The following PGM2L1 variants were observed in gnomAD, a reference collection of about 807,000 sequenced individuals.
PGM2L1 encodes the protein glucose 1,6-bisphosphate synthase.
PGM2L1 carries 35 observed loss-of-function variants against 73.4 expected under a neutral mutation model. The observed-to-expected ratio is 0.48, with a 90% CI of 0.36 to 0.63. The LOEUF (loss-of-function observed/expected upper bound fraction) is 0.63, where lower values mean the gene tolerates loss of function less well. Ranked by LOEUF, PGM2L1 falls within the 30% of genes least tolerant of loss-of-function variation. The pLI, the probability that PGM2L1 is intolerant of heterozygous loss-of-function variation, is 0.00. For missense variants in PGM2L1, 570 were observed against 742.0 expected, an observed-to-expected ratio of 0.77 and a Z score of 2.69; for synonymous variants, 225 against 253.8, an observed-to-expected ratio of 0.89 and a Z score of 1.08.
intron 1 of PGM2L1, among the ~76,000 whole-genome samples, chr11:74,393,525 A>C (rs1214709733): frequency 6.6e-6 from 1 of 152,206 alleles, no homozygotes; most frequent in African/African-American, 2.4e-5. Context: ...TGGAAAAAAA[A>C]CTTCTACCAT....
intron 9 of PGM2L1, among the ~76,000 whole-genome samples, chr11:74,344,133 A>G (rs1467358418): frequency 6.6e-6 from 1 of 152,056 alleles, no homozygotes; most frequent in African/African-American, 2.4e-5. Context: ...TTGAAAGATA[A>G]GTCAATCTGC....
intron 1 of PGM2L1, among the ~76,000 whole-genome samples, chr11:74,381,571 C>CT (rs1195996518): frequency 0.02 from 1,943 of 95,330 alleles, 69 homozygotes; most frequent in African/African-American, 0.05. Flanking sequence ...GTGTTTTTGT[C>CT]TTTTTTTTTT....
Position 74,342,991 on chromosome 11 carries a change from A to G in PGM2L1, c.1336T>C (p.Leu446=), listed in dbSNP as rs1333057032. 1 of 1,606,110 alleles carries G rather than the reference A, an allele frequency of 6.2e-7. No homozygotes were observed. Among genetic ancestry groups the G allele is most frequent in the African/African-American group, 1.3e-5 (1 of 74,524 alleles). ...GCTGCACTCACCCCATCTTTATCCA[A>G]AACTGAAGTTCCACAGAGAAAACCT... ...SIGFLCGTSV[L]DKDGVSAAVV... is the part of the protein sequence containing the mutation. The change falls in exon 11 of 14, where the codon TTG becomes CTG. Residue 446 remains leucine (L), a synonymous_variant. Coordinates refer to ENST00000298198, the MANE Select transcript of PGM2L1 (RefSeq NM_173582.6).
At position 74,336,696 on chromosome 11, in the gene PGM2L1, A is replaced by G. The variant is rs989272857; in HGVS notation, c.1825T>C (p.Phe609Leu). The G allele has an allele frequency of 1.9e-6, 3 of 1,613,206 alleles. No individual in the cohort carries two copies. The South Asian group carries it at 3.3e-5, about 18-fold the overall frequency. ...KKLIDALIEN[F>L]LQPSKNGLIW... ...AGTCCATTCTTACTAGGCTGAAGAA[A>G]ATTCTCTATCAGAGCATCAATGAGT... The change falls in exon 14 of 14, where the codon TTT becomes CTT. Residue 609 changes from phenylalanine to leucine, a missense_variant. Transcript: ENST00000298198.
At chr11:74,389,968 A>T (rs1266102077) in intron 1 of PGM2L1, among the ~76,000 whole-genome samples, 1 of 137,056 alleles carries the variant, frequency 7.3e-6, no homozygotes, top group Admixed American at 7.2e-5. Flanking sequence ...AAAAAAAAAA[A>T]ATTAGCCAGG....
At chr11:74,394,509 T>G (rs1004631369) in intron 1 of PGM2L1, among the ~76,000 whole-genome samples, 2 of 152,176 alleles carry the variant, frequency 1.3e-5, no homozygotes, top group Non-Finnish European at 2.9e-5. Flanking sequence ...ACACCTGTCT[T>G]GTTGCATTGT....
chr11:74,389,821 T>C (rs1863066720), intron 1 of PGM2L1, among the ~76,000 whole-genome samples: 2 of 147,328 alleles, frequency 1.4e-5, no homozygotes. Context: ...TTGAAGGAAC[T>C]GGCCGGGTGC....
intron 13 of PGM2L1, among the ~76,000 whole-genome samples, chr11:74,337,473 T>A (rs1216028401): frequency 6.6e-6 from 1 of 152,196 alleles, no homozygotes; most frequent in African/African-American, 2.4e-5. Context: ...TTTGGGGAAA[T>A]ACAAAATAGT....
At chr11:74,374,730 A>C (rs1452208724) in intron 1 of PGM2L1, 148 bp from the exon 2 acceptor site, 1 of 634,278 alleles carries the variant, frequency 1.6e-6, no homozygotes, top group East Asian at 2.8e-5. Flanking sequence ...ATAATAAAAT[A>C]ATACCTGCCA....
chr11:74,356,152 C>T (rs1259412389), intron 5 of PGM2L1, among the ~76,000 whole-genome samples: 1 of 151,700 alleles, frequency 6.6e-6, no homozygotes, highest in Admixed American at 6.6e-5. Flanking sequence ...CAGGGTGATG[C>T]CAGGTTCTAT....
chr11:74,398,009 T>TG, intron 1 of PGM2L1, 42 bp downstream of exon 1: 1 of 1,566,268 alleles, frequency 6.4e-7, no homozygotes, highest in Non-Finnish European at 8.7e-7. Flanking sequence ...GCAGACTGTG[T>TG]GGGGGAGGCG....
intron 5 of PGM2L1, among the ~76,000 whole-genome samples, chr11:74,364,659 G>A (rs929927739): frequency 2.0e-4 from 30 of 152,158 alleles, no homozygotes; most frequent in Admixed American, 1.9e-3. Flanking sequence ...ACTTACAAGT[G>A]ATGTGAAGGA....
chr11:74,354,674 A>G, intron 5 of PGM2L1: 1 of 1,123,236 alleles, frequency 8.9e-7, no homozygotes, highest in Non-Finnish European at 1.3e-6. Context: ...GGGCCACACA[A>G]GGTGGATGGA....
intron 6 of PGM2L1, among the ~76,000 whole-genome samples, chr11:74,350,081 A>C (rs1015163763): frequency 6.6e-6 from 1 of 152,208 alleles, no homozygotes; most frequent in Non-Finnish European, 1.5e-5. Context: ...TTAAAAAACA[A>C]AAATGTAAAT....
chr11:74,351,371 T>TCACTTGGATACCTGTAAAAA lies in PGM2L1; in HGVS notation c.741_749+11dup. The TCACTTGGATACCTGTAAAAA allele has an allele frequency of 6.2e-7, 1 of 1,601,494 alleles. No homozygotes were observed. The highest frequency in any genetic ancestry group is 1.1e-5 in the South Asian group (1 of 89,428). ...TCTGAAGTAGTATTATCTGATATTC[T>TCACTTGGATACCTGTAAAAA]CACTTGGATACCTGTAAAAACAGAT... On this transcript the variant is annotated intron_variant, in intron 6 of 13. Transcript: ENST00000298198.
At chr11:74,373,279 A>T (rs1862803328) in intron 2 of PGM2L1, among the ~76,000 whole-genome samples, 1 of 152,238 alleles carries the variant, frequency 6.6e-6, no homozygotes, top group Non-Finnish European at 1.5e-5. Flanking sequence ...GAACTAAAGC[A>T]TCTCTGGTTG....
At chr11:74,355,940 T>G (rs2134904952) in intron 5 of PGM2L1, among the ~76,000 whole-genome samples, 1 of 152,342 alleles carries the variant, frequency 6.6e-6, no homozygotes, top group African/African-American at 2.4e-5. Flanking sequence ...TAGTTCCTGT[T>G]CTGTGGAAAG....
intron 2 of PGM2L1, among the ~76,000 whole-genome samples, chr11:74,372,901 T>G (rs1413073781): frequency 6.6e-6 from 1 of 152,178 alleles, no homozygotes; most frequent in Non-Finnish European, 1.5e-5. Flanking sequence ...ATTCAACAAC[T>G]TATTTCTCAT....
Position 74,343,163 on chromosome 11 carries a change from T to A in PGM2L1, c.1313-149A>T, listed in dbSNP as rs866504126. 1.1e-4 allele frequency: 149 copies of A among 1,333,202 alleles called. 1 individual carries two copies. The Middle Eastern group carries it at 2.4e-3, about 22-fold the overall frequency. 82.6% of individuals were successfully genotyped at this position (1,333,202 alleles called of 1,614,324 possible). On this transcript the variant is annotated intron_variant, in intron 10 of 13. Transcript: ENST00000298198. ...TGAGTGTATTTAGGGGACACTTTCGTTCTTTTTTTTTTCTGATAAGAAATG... is the reference window on the plus strand; with the variant it reads ...TGAGTGTATTTAGGGGACACTTTCGATCTTTTTTTTTTCTGATAAGAAATG...
Sources: gnomAD v4.1 joint callset for allele counts (sites outside exome capture counted in the v4.1 genomes callset) on GRCh38, gnomAD v4.1.1 for gene constraint, MANE v1.5 for transcripts, NCBI Gene and HGNC (gene_info 2026-07-23, HGNC 2026-07-21) for gene names.